Variants in AGAP3 observed in about 807,000 individuals in gnomAD.
AGAP3 encodes arf-GAP with GTPase, ANK repeat and PH domain-containing protein 3.
Under a neutral mutation model 96.9 loss-of-function variants are expected in AGAP3, and 24 were observed. The observed-to-expected ratio is 0.25, with a 90% CI of 0.18 to 0.35. The LOEUF is 0.35. Among genes scored for constraint, AGAP3 ranks in the 10% least tolerant of loss-of-function variants. The pLI is 1.00. For missense variants in AGAP3, 876 were observed against 1,254.2 expected (o/e 0.70, Z 4.55); for synonymous variants, 563 against 536.1 (o/e 1.05, Z -0.69).
Position 151,139,917 on chromosome 7 carries a change from C to G in AGAP3, c.1667-62C>G. 1 of 1,417,454 alleles carries G rather than the reference C, an allele frequency of 7.1e-7. No homozygotes were observed. The highest frequency in any genetic ancestry group is 9.3e-7 in the Non-Finnish European group (1 of 1,077,536). 87.8% of individuals were successfully genotyped at this position (1,417,454 alleles called of 1,614,324 possible). On this transcript the variant is annotated intron_variant, in intron 12 of 17. Coordinates refer to ENST00000397238, the MANE Select transcript of AGAP3 (RefSeq NM_031946.7). This position sits in a 1 kb window ranked among gnomAD's most constrained non-coding sequence, Gnocchi z 4.9. Reference sequence around the variant, plus strand: ...CTGGTCCTCTCCTCCTCCCAGTGCCCTGCGCCCCTCCCCTCCTCTGCCTCC... The same window carrying G: ...CTGGTCCTCTCCTCCTCCCAGTGCCGTGCGCCCCTCCCCTCCTCTGCCTCC...
rs768590477 is a variant in AGAP3 at position 151,118,594 on chromosome 7, G to A, written c.931G>A (p.Val311Met). 1.2e-5 allele frequency: 19 copies of A among 1,613,800 alleles called. No individual in the cohort carries two copies. The highest frequency in any genetic ancestry group is 2.2e-5 in the East Asian group (1 of 44,882). Residue 311 changes from valine (V) to methionine (M), a missense_variant, in exon 7 of 18, where the codon GTG (valine) becomes ATG (methionine). By Grantham distance (21) the Val-to-Met change is conservative (BLOSUM62 1). This residue lies in a region of AGAP3 where 100 missense variants were observed against 129.4 expected (regional missense o/e 0.77). Transcript: ENST00000397238. This position sits in a 1 kb window ranked among gnomAD's most constrained non-coding sequence, Gnocchi z 6.1. ...GCCCAACTCGCCCAGCCACTCGGCC[G>A]TGTCCGCCGCCTCCATCCCGGCCGT... ...SLPNSPSHSA[V>M]SAASIPAVHI...
intron 8 of AGAP3, among the ~76,000 whole-genome samples, chr7:151,122,009 G>T (rs1350409245): frequency 6.6e-6 from 1 of 152,180 alleles, no homozygotes; most frequent in African/African-American, 2.4e-5. Flanking sequence ...TGCTCATTTC[G>T]TTGCTGCTCT....
rs753298540 is a variant in AGAP3, at chr7:151,142,652, T to C, written c.2273+18T>C. 2 of 1,608,912 alleles carry C rather than the reference T, an allele frequency of 1.2e-6. No homozygotes were observed. The highest frequency in any genetic ancestry group is 1.7e-6 in the Non-Finnish European group (2 of 1,178,714). ...GCCTGCAGGTGAGCAGATGGTGCCC[T>C]GGAGCTGGCCAGGAATGGGGGAAGC... On this transcript the variant is annotated intron_variant, in intron 16 of 17. Coordinates refer to ENST00000397238, the MANE Select transcript of AGAP3 (RefSeq NM_031946.7). The surrounding 1 kb of genome is among the most constrained non-coding windows in gnomAD (Gnocchi z 7.5).
intron 8 of AGAP3, chr7:151,123,312 C>G: frequency 9.7e-7 from 1 of 1,031,016 alleles, no homozygotes; most frequent in Non-Finnish European, 1.2e-6. Flanking sequence ...CCTCTTCTGG[C>G]CTCTCTCCTC....
chr7:151,092,760 G>A (rs1798449284), intron 1 of AGAP3, among the ~76,000 whole-genome samples: 1 of 152,106 alleles, frequency 6.6e-6, no homozygotes, highest in Non-Finnish European at 1.5e-5. Context: ...AGGAAGCAGG[G>A]ATTTTCTCTG....
At chr7:151,126,373 AGCGGG>A (rs1323687397) in intron 9 of AGAP3, among the ~76,000 whole-genome samples, 73 of 56,248 alleles carry the variant, frequency 1.3e-3, no homozygotes, top group Non-Finnish European at 2.0e-3. Flanking sequence ...AGCAGAGCGG[AGCGGG>A]GCGGGGCGGG....
chr7:151,098,019 C>T (rs901717531), intron 1 of AGAP3, among the ~76,000 whole-genome samples: 1 of 152,140 alleles, frequency 6.6e-6, no homozygotes, highest in Non-Finnish European at 1.5e-5. Flanking sequence ...CCATACCAGG[C>T]CAGTGGCTAT....
chr7:151,126,369 G>A (rs1316155702), intron 9 of AGAP3, among the ~76,000 whole-genome samples: 1 of 151,844 alleles, frequency 6.6e-6, no homozygotes, highest in Non-Finnish European at 1.5e-5. Flanking sequence ...GCAGAGCAGA[G>A]CGGAGCGGGG....
At position 151,108,517 on chromosome 7, in the gene AGAP3, C is replaced by T. The variant is rs566792126; in HGVS notation, c.332-8276C>T. 5.3e-5 allele frequency among the ~76,000 whole-genome samples: 8 copies of T among 152,198 alleles called. No homozygotes were observed. The highest frequency in any genetic ancestry group is 1.2e-4 in the Non-Finnish European group (8 of 68,044). ...AGAGGACCAAAGTCACTGGGGAGCT[C>T]TCAGACCGACATCCTGACCTCTGGA... On this transcript the variant is annotated intron_variant, in intron 1 of 17. Transcript: ENST00000397238. The surrounding 1 kb of genome is among the most constrained non-coding windows in gnomAD (Gnocchi z 4.2).
chr7:151,111,974 T>C (rs982822894), intron 1 of AGAP3, among the ~76,000 whole-genome samples: 2 of 152,164 alleles, frequency 1.3e-5, no homozygotes, highest in Non-Finnish European at 1.5e-5. Context: ...TCGGGCCCAG[T>C]AGGTAGTGGC....
At chr7:151,104,705 C>A (rs982745969) in intron 1 of AGAP3, among the ~76,000 whole-genome samples, 2 of 152,208 alleles carry the variant, frequency 1.3e-5, no homozygotes, top group Admixed American at 6.5e-5. Context: ...ATTGCTACGA[C>A]CAACCTGGAA....
intron 1 of AGAP3, among the ~76,000 whole-genome samples, chr7:151,091,755 TC>T (rs1798409090): frequency 6.6e-6 from 1 of 152,182 alleles, no homozygotes; most frequent in Non-Finnish European, 1.5e-5. Flanking sequence ...CCCTGCTCCA[TC>T]CAGGGTCTCA....
intron 9 of AGAP3, among the ~76,000 whole-genome samples, chr7:151,124,519 A>G (rs1255721241): frequency 6.6e-6 from 1 of 152,212 alleles, no homozygotes; most frequent in Non-Finnish European, 1.5e-5. Context: ...GTGTGTGGGC[A>G]AGAGCCTGAG....
intron 1 of AGAP3, among the ~76,000 whole-genome samples, chr7:151,101,603 G>T (rs1385541589): frequency 6.6e-6 from 1 of 152,144 alleles, no homozygotes; most frequent in Non-Finnish European, 1.5e-5. Context: ...GAGTGTGGGC[G>T]CCTCCCTCCC....
chr7:151,130,456 G>T (rs1231436070), intron 10 of AGAP3, among the ~76,000 whole-genome samples: 1 of 152,144 alleles, frequency 6.6e-6, no homozygotes, highest in African/African-American at 2.4e-5. Context: ...AGATTTTTCT[G>T]CACTTGCCAA....
At position 151,142,314 on chromosome 7, in the gene AGAP3, T is replaced by TCAGGGAGCAGGGAAGAGGG. The variant is rs1800848191; in HGVS notation, c.2050+68_2051-73dup. On this transcript the variant is annotated intron_variant, in intron 15 of 17. Transcript: ENST00000397238. This position sits in a 1 kb window ranked among gnomAD's most constrained non-coding sequence, Gnocchi z 7.5. ...TGGCCCAGGGAAAGCTTCGCAAGCA[T>TCAGGGAGCAGGGAAGAGGG]CAGGGAGCAGGGAAGAGGGCAGGGA... The TCAGGGAGCAGGGAAGAGGG allele has an allele frequency of 1.2e-6, 2 of 1,602,404 alleles. No homozygotes were observed. Among genetic ancestry groups the TCAGGGAGCAGGGAAGAGGG allele is most frequent in the Non-Finnish European group, 1.7e-6 (2 of 1,172,934 alleles).
chr7:151,134,665 G>T (rs1800526029), intron 11 of AGAP3, 97 bp downstream of exon 11: 1 of 1,281,214 alleles, frequency 7.8e-7, no homozygotes, highest in Non-Finnish European at 1.1e-6. Flanking sequence ...CCTGGGCACA[G>T]GGTGCTGGCC....
chr7:151,123,723 C>T (rs1800030328), intron 8 of AGAP3, 71 bp from the exon 9 acceptor site: 3 of 1,592,428 alleles, frequency 1.9e-6, no homozygotes, highest in African/African-American at 1.3e-5. Flanking sequence ...GGAGGGAGGC[C>T]GGGAAGTCCA....
intron 11 of AGAP3, 57 bp downstream of exon 11, chr7:151,134,625 G>A: frequency 6.6e-7 from 1 of 1,519,034 alleles, no homozygotes; most frequent in Non-Finnish European, 8.9e-7. Flanking sequence ...GCCAAGGCAA[G>A]CAGGCATTCT....
Sources: gnomAD v4.1 joint callset for allele counts (sites outside exome capture counted in the v4.1 genomes callset) on GRCh38, gnomAD v4.1.1 for gene constraint, gnomAD v4.1.1 regional missense constraint, Gnocchi (gnomAD v3.1) non-coding constraint, MANE v1.5 for transcripts, NCBI Gene and HGNC (gene_info 2026-07-23, HGNC 2026-07-21) for gene names.